The following NKAIN1 variants were observed in gnomAD, a reference collection of about 807,000 sequenced individuals.
NKAIN1 encodes the protein sodium/potassium transporting ATPase interacting 1, also known as sodium/potassium-transporting ATPase subunit beta-1-interacting protein 1.
In NKAIN1, 13 loss-of-function variants were observed where a neutral mutation model predicts 31.6. That is an observed-to-expected ratio of 0.41 (90% CI 0.27 to 0.65). The LOEUF is 0.65. NKAIN1 is among the 30% of genes least tolerant of loss of function. The probability of loss-of-function intolerance (pLI) is 0.30; values close to 1 mark genes in which losing one functional copy is unlikely to be tolerated. For missense variants in NKAIN1, 193 were observed against 262.2 expected, an observed-to-expected ratio of 0.74 and a Z score of 1.82; for synonymous variants, 104 against 109.0, an observed-to-expected ratio of 0.95 and a Z score of 0.28.
At chr1:31,206,385 T>C (rs1032517134) in intron 1 of NKAIN1, among the ~76,000 whole-genome samples, 10 of 151,636 alleles carry the variant, frequency 6.6e-5, no homozygotes, top group African/African-American at 2.4e-4. Context: ...GCAAGTTATA[T>C]AGTAGTATGT....
intron 1 of NKAIN1, among the ~76,000 whole-genome samples, chr1:31,230,507 A>G (rs566584920): frequency 6.6e-6 from 1 of 152,272 alleles, no homozygotes; most frequent in Non-Finnish European, 1.5e-5. Context: ...AACCACACTT[A>G]ACGGCTCTTC....
intron 1 of NKAIN1, among the ~76,000 whole-genome samples, chr1:31,232,394 T>A (rs1482158527): frequency 6.1e-5 from 3 of 49,182 alleles, no homozygotes; most frequent in African/African-American, 2.3e-4. Context: ...TCTGGCCTAC[T>A]TCATATATAT....
rs3081712 is a variant in NKAIN1, at chr1:31,200,458, C to CTTTTTTTT, written c.55-12279_55-12272dup. On this transcript the variant is annotated intron_variant, in intron 1 of 6. Transcript: ENST00000373736. Reference sequence around the variant, plus strand: ...AAGTTGGACCAGAAGTCTCCTCTCTCTTTTTTTTTTTTTTTTTTTGAGACA... The same window carrying CTTTTTTTT: ...AAGTTGGACCAGAAGTCTCCTCTCTCTTTTTTTTTTTTTTTTTTTTTTTTTTTGAGACA... Among the ~76,000 whole-genome samples the CTTTTTTTT allele has an allele frequency of 1.6e-5, 2 of 121,872 alleles. 1 individual carries two copies. The highest frequency in any genetic ancestry group is 3.3e-5 in the Non-Finnish European group (2 of 60,898). 80.0% of individuals were successfully genotyped at this position (121,872 alleles called of 152,430 possible).
intron 1 of NKAIN1, among the ~76,000 whole-genome samples, chr1:31,234,023 TA>T (rs1171381542): frequency 1.3e-5 from 2 of 152,150 alleles, no homozygotes; most frequent in Non-Finnish European, 2.9e-5. Context: ...CCTACCCTTA[TA>T]AAGGAGGAGA....
intron 1 of NKAIN1, among the ~76,000 whole-genome samples, chr1:31,194,433 AG>A (rs1645308513): frequency 3.1e-5 from 1 of 32,240 alleles, no homozygotes; most frequent in Non-Finnish European, 6.4e-5. Context: ...TTTTTTTTGG[AG>A]TTTCACTCGT....
intron 1 of NKAIN1, among the ~76,000 whole-genome samples, chr1:31,225,824 CAGG>C (rs2148365818): frequency 6.6e-6 from 1 of 152,318 alleles, no homozygotes; most frequent in Admixed American, 6.5e-5. Context: ...CTCATTCCTC[CAGG>C]AGAAGCTGGC....
chr1:31,197,575 C>G (rs1239539600), intron 1 of NKAIN1, among the ~76,000 whole-genome samples: 1 of 102,308 alleles, frequency 9.8e-6, no homozygotes, highest in Non-Finnish European at 1.9e-5. Flanking sequence ...GAGATGGAGT[C>G]CAGCTTCGTC....
chr1:31,208,653 T>A (rs1336840502), intron 1 of NKAIN1, among the ~76,000 whole-genome samples: 1 of 150,582 alleles, frequency 6.6e-6, no homozygotes, highest in Non-Finnish European at 1.5e-5. Flanking sequence ...CCTGGAAACC[T>A]CTGATGTAAG....
chr1:31,214,458 TAA>T (rs199730020), intron 1 of NKAIN1, among the ~76,000 whole-genome samples: 40 of 132,790 alleles, frequency 3.0e-4, no homozygotes, highest in African/African-American at 4.3e-4. Context: ...TCAATAAAGT[TAA>T]AAAAAAAAAA....
chr1:31,218,015 A>ATTTTCTTTCTTTCTTTCTTTCT (rs1645526385), intron 1 of NKAIN1, among the ~76,000 whole-genome samples: 1 of 66,226 alleles, frequency 1.5e-5, no homozygotes, highest in Admixed American at 1.6e-4. Context: ...AGCAGCTACC[A>ATTTTCTTTCTTTCTTTCTTTCT]TTTTCTTTCT....
At chr1:31,236,561 G>T (rs1471923613) in intron 1 of NKAIN1, among the ~76,000 whole-genome samples, 1 of 152,146 alleles carries the variant, frequency 6.6e-6, no homozygotes. Flanking sequence ...GCTCATGGAG[G>T]TTAGTGACAA....
At chr1:31,214,731 G>A (rs1055005622) in intron 1 of NKAIN1, among the ~76,000 whole-genome samples, 1 of 152,208 alleles carries the variant, frequency 6.6e-6, no homozygotes, top group African/African-American at 2.4e-5. Flanking sequence ...AGGAGGAAAG[G>A]GAGGGAGAAT....
chr1:31,185,069 G>A (rs533078834), intron 3 of NKAIN1, 178 bp downstream of exon 3: 85 of 608,876 alleles, frequency 1.4e-4, no homozygotes, highest in Non-Finnish European at 2.0e-4. Context: ...CATTGTGTTT[G>A]AGGAAGCCAG....
At chr1:31,224,119 A>C (rs1645584056) in intron 1 of NKAIN1, among the ~76,000 whole-genome samples, 1 of 152,162 alleles carries the variant, frequency 6.6e-6, no homozygotes, top group Admixed American at 6.5e-5. Context: ...GGGGAGGCTG[A>C]GCTCCATGGG....
At chr1:31,193,229 C>T (rs1243822078) in intron 1 of NKAIN1, among the ~76,000 whole-genome samples, 33 of 151,472 alleles carry the variant, frequency 2.2e-4, no homozygotes, top group African/African-American at 6.0e-4. Flanking sequence ...CCACCACGCC[C>T]GGCTAATTTT....
chr1:31,205,449 C>T (rs535264874), intron 1 of NKAIN1, among the ~76,000 whole-genome samples: 14 of 152,134 alleles, frequency 9.2e-5, no homozygotes, highest in Admixed American at 3.3e-4. Context: ...GCCACAACTA[C>T]GGGCACGCCC....
At chr1:31,236,891 C>T (rs972215633) in intron 1 of NKAIN1, among the ~76,000 whole-genome samples, 1 of 152,204 alleles carries the variant, frequency 6.6e-6, no homozygotes, top group Non-Finnish European at 1.5e-5. Context: ...CCCAGACTTA[C>T]CAGGGCCAGA....
chr1:31,182,433 C>T, intron 5 of NKAIN1, 97 bp downstream of exon 5: 1 of 1,421,326 alleles, frequency 7.0e-7, no homozygotes, highest in East Asian at 2.3e-5. Flanking sequence ...GTGGCCGACC[C>T]TGGGCTCCCT....
At chr1:31,184,982 T>C (rs1399978941) in intron 3 of NKAIN1, among the ~76,000 whole-genome samples, 1 of 152,140 alleles carries the variant, frequency 6.6e-6, no homozygotes, top group East Asian at 1.9e-4. Context: ...ATACTGTTGG[T>C]TTTTACTGAG....
Sources: allele counts gnomAD v4.1 joint callset (sites outside exome capture counted in the v4.1 genomes callset), GRCh38; gene constraint gnomAD v4.1.1; transcripts MANE v1.5; gene names NCBI Gene and HGNC (gene_info 2026-07-23, HGNC 2026-07-21).